The following STT3B variants were observed in gnomAD, a reference collection of about 807,000 sequenced individuals.
STT3B encodes STT3 oligosaccharyltransferase complex catalytic subunit B.
A neutral mutation model predicts 96.8 loss-of-function variants in STT3B; 29 were observed. The observed-to-expected ratio is 0.30, with a 90% CI of 0.22 to 0.41. The LOEUF is 0.41. Ranked by LOEUF, STT3B falls within the 10% of genes least tolerant of loss-of-function variation. The pLI, the probability that STT3B is intolerant of heterozygous loss-of-function variation, is 1.00. For synonymous variants in STT3B, 367 were observed against 360.0 expected (o/e 1.02, Z -0.22); for missense variants, 640 against 1,022.3 (o/e 0.63, Z 5.10).
intron 2 of STT3B, 66 bp downstream of exon 2, chr3:31,576,570 T>G (rs1698268871): frequency 1.0e-6 from 1 of 960,544 alleles, no homozygotes; most frequent in Admixed American, 2.7e-5. Context: ...AATCATTAAT[T>G]GCCAAGGTGG....
At chr3:31,621,915 CTA>C (rs1264756122) in intron 9 of STT3B, among the ~76,000 whole-genome samples, 180 bp from the exon 10 acceptor site, 1 of 152,090 alleles carries the variant, frequency 6.6e-6, no homozygotes, top group Non-Finnish European at 1.5e-5. Context: ...TTAGTGAACA[CTA>C]GTTATAATTT....
intron 5 of STT3B, among the ~76,000 whole-genome samples, chr3:31,603,929 T>C (rs1575436452): frequency 1.3e-5 from 2 of 152,172 alleles, no homozygotes; most frequent in South Asian, 4.1e-4. Flanking sequence ...GCTTTCCAGA[T>C]ACATACAATG....
chr3:31,594,018 T>C (rs12637906), intron 3 of STT3B, among the ~76,000 whole-genome samples: 6,648 of 152,222 alleles, frequency 0.044, 379 homozygotes, highest in East Asian at 0.32. Flanking sequence ...TTTTTAAAAA[T>C]AGCTTATCCG....
At chr3:31,574,381 T>G (rs1698221199) in intron 1 of STT3B, among the ~76,000 whole-genome samples, 1 of 152,170 alleles carries the variant, frequency 6.6e-6, no homozygotes, top group Non-Finnish European at 1.5e-5. Flanking sequence ...TTTAGACCCT[T>G]GATGCTTAGC....
At chr3:31,605,399 C>T (rs898819043) in intron 5 of STT3B, among the ~76,000 whole-genome samples, 8 of 151,996 alleles carry the variant, frequency 5.3e-5, no homozygotes, top group African/African-American at 1.9e-4. Flanking sequence ...ACCCAAATTT[C>T]ATCTTGAATT....
intron 1 of STT3B, among the ~76,000 whole-genome samples, chr3:31,572,048 TATATC>T (rs1452299373): frequency 3.1e-4 from 25 of 81,204 alleles, no homozygotes; most frequent in African/African-American, 5.6e-4. Flanking sequence ...GATATATTAA[TATATC>T]ATATATTAAT....
intron 5 of STT3B, among the ~76,000 whole-genome samples, chr3:31,608,157 A>T (rs538027432): frequency 6.6e-6 from 1 of 152,144 alleles, no homozygotes; most frequent in Non-Finnish European, 1.5e-5. Context: ...TGTACCTTCA[A>T]GGTAGGTGAG....
At position 31,565,791 on chromosome 3, in the gene STT3B, CATACCT is replaced by C. The variant is rs149438270; in HGVS notation, c.315-10599_315-10594del. On this transcript the variant is annotated intron_variant, in intron 1 of 15. Coordinates refer to ENST00000295770, the MANE Select transcript of STT3B (RefSeq NM_178862.3). ...GGTTTCTGGCCATGATTTTTTAAGA[CATACCT>C]ATACCAAAGAATTGAAATCTGAAAT... 4.0e-4 allele frequency among the ~76,000 whole-genome samples: 61 copies of C among 152,240 alleles called. 1 individual carries two copies. The East Asian group carries it at 9.9e-3, about 25-fold the overall frequency.
chr3:31,549,301 G>A (rs569755320), intron 1 of STT3B, among the ~76,000 whole-genome samples: 14 of 149,482 alleles, frequency 9.4e-5, no homozygotes, highest in Non-Finnish European at 1.6e-4. Flanking sequence ...CTCATTGATA[G>A]CATCCCCCCT....
intron 5 of STT3B, among the ~76,000 whole-genome samples, chr3:31,604,837 G>T (rs992362674): frequency 5.3e-5 from 8 of 152,060 alleles, no homozygotes; most frequent in Non-Finnish European, 8.8e-5. Flanking sequence ...TGACATTGAG[G>T]GTAAGAGTAC....
chr3:31,576,285 T>A (rs1698261854), intron 1 of STT3B, 111 bp from the exon 2 acceptor site: 2 of 569,648 alleles, frequency 3.5e-6, no homozygotes, highest in African/African-American at 3.9e-5. Context: ...TATATAAGTT[T>A]GATGAAAACG....
intron 6 of STT3B, 135 bp downstream of exon 6, chr3:31,615,338 A>C (rs1699282976): frequency 1.6e-6 from 1 of 632,334 alleles, no homozygotes; most frequent in African/African-American, 1.9e-5. Context: ...CAATTATGGG[A>C]AATCTGTAGA....
At chr3:31,557,531 T>C (rs370416073) in intron 1 of STT3B, among the ~76,000 whole-genome samples, 60 of 152,338 alleles carry the variant, frequency 3.9e-4, no homozygotes, top group African/African-American at 1.4e-3. Context: ...CATTTGTTTG[T>C]GTCCCTTTAA....
chr3:31,561,118 C>T (rs1042458789), intron 1 of STT3B, among the ~76,000 whole-genome samples: 7 of 151,774 alleles, frequency 4.6e-5, no homozygotes, highest in African/African-American at 1.4e-4. Context: ...TGATATCTAC[C>T]TCTTGAGTAA....
At chr3:31,577,086 T>C (rs1200466716) in intron 2 of STT3B, among the ~76,000 whole-genome samples, 1 of 152,204 alleles carries the variant, frequency 6.6e-6, no homozygotes, top group Non-Finnish European at 1.5e-5. Context: ...AATATATGTT[T>C]GATTTTTTTA....
At chr3:31,584,514 C>T (rs1281708996) in intron 3 of STT3B, among the ~76,000 whole-genome samples, 3 of 151,650 alleles carry the variant, frequency 2.0e-5, no homozygotes, top group Admixed American at 1.3e-4. Flanking sequence ...TTGTAGAATA[C>T]AATATGGAGC....
chr3:31,617,137 CA>C, intron 7 of STT3B, 62 bp downstream of exon 7: 1 of 1,278,462 alleles, frequency 7.8e-7, no homozygotes, highest in Non-Finnish European at 1.0e-6. Context: ...GAAAAATAGC[CA>C]AAGTTTCTAA....
intron 5 of STT3B, among the ~76,000 whole-genome samples, chr3:31,602,302 A>G (rs373700639): frequency 4.6e-4 from 70 of 151,424 alleles, no homozygotes; most frequent in African/African-American, 1.5e-3. Flanking sequence ...AACAGATTAA[A>G]CTTTTTTTTT....
intron 1 of STT3B, among the ~76,000 whole-genome samples, chr3:31,559,610 T>C (rs183101177): frequency 6.6e-6 from 1 of 152,200 alleles, no homozygotes; most frequent in Admixed American, 6.5e-5. Context: ...TTGTTTTGTG[T>C]TCTATTGTAT....
Sources: gnomAD v4.1 joint callset for allele counts (sites outside exome capture counted in the v4.1 genomes callset) on GRCh38, gnomAD v4.1.1 for gene constraint, MANE v1.5 for transcripts, NCBI Gene and HGNC (gene_info 2026-07-23, HGNC 2026-07-21) for gene names.